Variants in ZNF746 observed in about 807,000 individuals in gnomAD.
ZNF746 encodes the protein zinc finger protein 746.
In ZNF746, 13 loss-of-function variants were observed where a neutral mutation model predicts 41.0. The ratio of observed to expected loss-of-function variants is 0.32; its 90% CI spans 0.21 to 0.50. The LOEUF is 0.50. Among genes scored for constraint, ZNF746 ranks in the 20% least tolerant of loss-of-function variants. The pLI is 0.98. For synonymous variants in ZNF746, 424 were observed against 396.2 expected (o/e 1.07, Z -0.83); for missense variants, 811 against 922.9 (o/e 0.88, Z 1.57).
In ZNF746 at chr7:149,475,219, G is replaced by C; in HGVS notation, c.1148C>G (p.Thr383Ser). ...ELSPAVAQEE[T>S]PPGDWLFGGV... ...TCCGAAGAGCCAGTCCCCAGGAGGG[G>C]TCTCCTCCTGGGCCACAGCAGGACT... Residue 383 changes from threonine (T) to serine (S), a missense_variant, in exon 7 of 7, where the codon ACC (threonine) becomes AGC (serine). Thr to Ser is a moderately conservative substitution (Grantham distance 58, BLOSUM62 1). Around this residue, in one of 4 missense-constraint regions of ZNF746, gnomAD observed 495 missense variants for 481.6 expected, o/e 1.03. Transcript: ENST00000458143. The C allele has an allele frequency of 6.2e-7, 1 of 1,613,064 alleles. No individual in the cohort carries two copies. The highest frequency in any genetic ancestry group is 8.5e-7 in the Non-Finnish European group (1 of 1,179,824).
chr7:149,477,041 T>C lies in ZNF746; in HGVS notation c.764A>G (p.His255Arg). 1 of 1,612,592 alleles carries C rather than the reference T, an allele frequency of 6.2e-7. No homozygotes were observed. Among genetic ancestry groups the C allele is most frequent in the Non-Finnish European group, 8.5e-7 (1 of 1,179,516 alleles). Residue 255 changes from histidine (H) to arginine (R), a missense_variant, in exon 6 of 7, where the codon CAT becomes CGT. Physicochemically the swap from His to Arg is conservative, Grantham distance 29. Around this residue, in one of 4 missense-constraint regions of ZNF746, gnomAD observed 495 missense variants for 481.6 expected, o/e 1.03. Transcript: ENST00000458143. Reference sequence around the variant, plus strand: ...CGGGATGGTGGTGGAAAAGTTGGAATGGACACCTGCGGTAAGGGGAGAGCA... The same window carrying C: ...CGGGATGGTGGTGGAAAAGTTGGAACGGACACCTGCGGTAAGGGGAGAGCA... ...DISTDATSGV[H>R]SNFSTTIPPT... is the part of the protein sequence containing the mutation.
intron 4 of ZNF746, among the ~76,000 whole-genome samples, chr7:149,487,099 C>T (rs547463041): frequency 8.5e-5 from 13 of 152,152 alleles, no homozygotes; most frequent in Non-Finnish European, 1.6e-4. Context: ...AACAGCAGCG[C>T]GAACCCTATT....
intron 4 of ZNF746, chr7:149,478,008 G>A: frequency 2.4e-6 from 1 of 411,058 alleles, no homozygotes; most frequent in Non-Finnish European, 4.3e-6. Context: ...ACATTCTCAG[G>A]GCTAGGCTGG....
chr7:149,474,277 T>C lies in ZNF746; in HGVS notation c.*107A>G. On this transcript the variant is annotated 3_prime_UTR_variant, in exon 7 of 7. Coordinates refer to ENST00000458143, the MANE Select transcript of ZNF746 (RefSeq NM_001394198.1). This position sits in a 1 kb window ranked among gnomAD's most constrained non-coding sequence, Gnocchi z 6.3. Reference sequence around the variant, plus strand: ...ATCATCAGTTCAGCAACTTGGACATTTGGTTCTCCCCGTCCCGCGTCTGCC... The same window carrying C: ...ATCATCAGTTCAGCAACTTGGACATCTGGTTCTCCCCGTCCCGCGTCTGCC... 2 of 1,313,182 alleles carry C rather than the reference T, an allele frequency of 1.5e-6. No individual in the cohort carries two copies. The highest frequency in any genetic ancestry group is 2.6e-4 in the Middle Eastern group (1 of 3,808). The allele number at this position is 1,313,182 out of a possible 1,614,324, so 81.3% of individuals were successfully genotyped here. A position where few individuals can be genotyped will look rare whatever the true frequency, so the allele number is the denominator to read the frequency against.
In ZNF746 at chr7:149,497,338, G is replaced by A. The variant is rs1427283940; in HGVS notation, c.24+175C>T. On this transcript the variant is annotated intron_variant, in intron 1 of 6. Transcript: ENST00000458143. This position sits in a 1 kb window ranked among gnomAD's most constrained non-coding sequence, Gnocchi z 4.2. ...GGGTTCGGCTCGGAGTGGGGGCCCG[G>A]CCGACGGGCGCAGTAGGCCCCGGCG... 6 of 981,332 alleles carry A rather than the reference G, an allele frequency of 6.1e-6. No homozygotes were observed. The highest frequency in any genetic ancestry group is 7.3e-6 in the Non-Finnish European group (6 of 826,534). The allele number at this position is 981,332 out of a possible 1,614,324, so 60.8% of individuals were successfully genotyped here.
At chr7:149,482,668 T>C (rs1385365729) in intron 4 of ZNF746, among the ~76,000 whole-genome samples, 4 of 152,180 alleles carry the variant, frequency 2.6e-5, no homozygotes, top group Admixed American at 2.6e-4. Context: ...TTTTACCATG[T>C]TGGCCAGGCT....
At position 149,494,955 on chromosome 7, in the gene ZNF746, G is replaced by A. The variant is rs1346458135; in HGVS notation, c.25-452C>T. Among the ~76,000 whole-genome samples the A allele has an allele frequency of 6.6e-6, 1 of 151,930 alleles. No homozygotes were observed. Among genetic ancestry groups the A allele is most frequent in the African/African-American group, 2.4e-5 (1 of 41,330 alleles). On this transcript the variant is annotated intron_variant, in intron 1 of 6. Coordinates refer to ENST00000458143, the MANE Select transcript of ZNF746 (RefSeq NM_001394198.1). This position sits in a 1 kb window ranked among gnomAD's most constrained non-coding sequence, Gnocchi z 5.6. ...GAGCGCAGCCTGCACCTCCCCTCAT[G>A]ATTACACAGGAACTGTCTACTGATG...
In ZNF746 at chr7:149,494,174, C is replaced by G. The variant is rs757818161; in HGVS notation, c.324+30G>C. ...ACGCTCACGGGTTTGGCCGCTTGGG[C>G]TCCCACACCCCAAGGCGTCCCAGGG... is the stretch of plus-strand genomic sequence containing the variant. On this transcript the variant is annotated intron_variant, in intron 2 of 6. Coordinates refer to ENST00000458143, the MANE Select transcript of ZNF746 (RefSeq NM_001394198.1). The surrounding 1 kb of genome is among the most constrained non-coding windows in gnomAD (Gnocchi z 5.6). 1 of 1,613,666 alleles carries G rather than the reference C, an allele frequency of 6.2e-7. No individual in the cohort carries two copies. Among genetic ancestry groups the G allele is most frequent in the Admixed American group, 1.7e-5 (1 of 60,018 alleles).
intron 4 of ZNF746, among the ~76,000 whole-genome samples, chr7:149,482,235 T>C (rs1800504512): frequency 6.6e-6 from 1 of 152,098 alleles, no homozygotes. Flanking sequence ...ATTTTCAGAC[T>C]AAAACCAAAC....
At chr7:149,477,140 C>A in intron 5 of ZNF746, 93 bp from the exon 6 acceptor site, 2 of 1,441,266 alleles carry the variant, frequency 1.4e-6, no homozygotes, top group Non-Finnish European at 1.8e-6. Context: ...ACTCTGAGGT[C>A]CCCCCACTGG....
At chr7:149,477,354 CAG>C (rs1381884231) in intron 5 of ZNF746, among the ~76,000 whole-genome samples, 1 of 152,144 alleles carries the variant, frequency 6.6e-6, no homozygotes, top group Non-Finnish European at 1.5e-5. Context: ...GGAACAGGGC[CAG>C]AGAGACACCC....
At chr7:149,476,887 C>T in intron 6 of ZNF746, 35 bp downstream of exon 6, 2 of 1,613,370 alleles carry the variant, frequency 1.2e-6, no homozygotes, top group East Asian at 2.2e-5. Context: ...CACAGGCAAG[C>T]ATGGCCCTTC....
chr7:149,489,241 A>T (rs1800719902), intron 4 of ZNF746: 1 of 140,428 alleles, frequency 7.1e-6, no homozygotes, highest in African/African-American at 2.6e-5. Flanking sequence ...TTTCACACAC[A>T]CACACACACA....
At chr7:149,478,848 T>C (rs897733654) in intron 4 of ZNF746, among the ~76,000 whole-genome samples, 1 of 152,178 alleles carries the variant, frequency 6.6e-6, no homozygotes, top group Non-Finnish European at 1.5e-5. Flanking sequence ...CTCAACATTC[T>C]AGAAACGACA....
rs1054876324 is a variant in ZNF746 at position 149,497,320 on chromosome 7, G to C, written c.24+193C>G. 5.1e-6 allele frequency: 5 copies of C among 984,636 alleles called. No homozygotes were observed. The highest frequency in any genetic ancestry group is 6.2e-5 in the Admixed American group (1 of 16,248). The allele number at this position is 984,636 out of a possible 1,614,324, so 61.0% of individuals were successfully genotyped here. A position where few individuals can be genotyped will look rare whatever the true frequency, so the allele number is the denominator to read the frequency against. On this transcript the variant is annotated intron_variant, in intron 1 of 6. Coordinates refer to ENST00000458143, the MANE Select transcript of ZNF746 (RefSeq NM_001394198.1). This position sits in a 1 kb window ranked among gnomAD's most constrained non-coding sequence, Gnocchi z 4.2. ...ACCGTTCCGCCAGCGCTCGGGTTCG[G>C]CTCGGAGTGGGGGCCCGGCCGACGG...
In ZNF746 at chr7:149,492,924, T is replaced by C. The variant is rs1468528029; in HGVS notation, c.500A>G (p.Lys167Arg). The C allele has an allele frequency of 3.1e-6, 5 of 1,614,010 alleles. No homozygotes were observed. Among genetic ancestry groups the C allele is most frequent in the South Asian group, 1.1e-5 (1 of 91,078 alleles). Residue 167 changes from lysine to arginine, a missense_variant, in exon 4 of 7, where the codon AAG becomes AGG. Coordinates refer to ENST00000458143, the MANE Select transcript of ZNF746 (RefSeq NM_001394198.1). The part of the protein sequence containing the change: ...PEVLSQIEQG[K>R]EPCNWRRPGP... ...AGGGCGGCGCCAGTTGCAGGGCTCC[T>C]TCCCTTGTTCAATCTGGGAGAGGAC...
Position 149,497,365 on chromosome 7 carries a change from A to G in ZNF746, c.24+148T>C. 1.0e-6 allele frequency: 1 copy of G among 988,936 alleles called. No individual in the cohort carries two copies. The highest frequency in any genetic ancestry group is 1.2e-6 in the Non-Finnish European group (1 of 828,018). 61.3% of individuals were successfully genotyped at this position (988,936 alleles called of 1,614,324 possible). ...CGACGGGCGCAGTAGGCCCCGGCGG[A>G]CCCCGCGCCCCATTCGCGGGAGCCC... On this transcript the variant is annotated intron_variant, in intron 1 of 6. Coordinates refer to ENST00000458143, the MANE Select transcript of ZNF746 (RefSeq NM_001394198.1). This position sits in a 1 kb window ranked among gnomAD's most constrained non-coding sequence, Gnocchi z 4.2.
intron 4 of ZNF746, among the ~76,000 whole-genome samples, chr7:149,478,608 C>G (rs1450992678): frequency 6.6e-6 from 1 of 152,130 alleles, no homozygotes; most frequent in Non-Finnish European, 1.5e-5. Flanking sequence ...CCACAGGGGG[C>G]TCCTAAGGGA....
intron 4 of ZNF746, among the ~76,000 whole-genome samples, chr7:149,483,521 G>A (rs1474210228): frequency 1.3e-5 from 2 of 152,052 alleles, no homozygotes; most frequent in Admixed American, 6.5e-5. Flanking sequence ...GCAGGAGAAT[G>A]GCTTGAACCC....
Sources: allele counts gnomAD v4.1 joint callset (sites outside exome capture counted in the v4.1 genomes callset), GRCh38; gene constraint gnomAD v4.1.1; regional missense constraint gnomAD v4.1.1; non-coding constraint Gnocchi (gnomAD v3.1); transcripts MANE v1.5; gene names NCBI Gene and HGNC (gene_info 2026-07-23, HGNC 2026-07-21).